Variants in HDX observed in about 807,000 individuals in gnomAD.
The protein encoded by HDX is chromosome X open reading frame 43.
In HDX, 19 loss-of-function variants were observed where a neutral mutation model predicts 45.2. That is an observed-to-expected ratio of 0.42 (90% CI 0.29 to 0.62). HDX has a LOEUF of 0.62. HDX is among the 20% of genes least tolerant of loss of function. The pLI, the probability that HDX is intolerant of heterozygous loss-of-function variation, is 0.20. For synonymous variants in HDX, 188 were observed against 172.8 expected, an observed-to-expected ratio of 1.09 and a Z score of -0.69; for missense variants, 532 against 493.9, an observed-to-expected ratio of 1.08 and a Z score of -0.73.
At chrX:84,493,109 C>T (rs1056959221) in intron 1 of HDX, among the ~76,000 whole-genome samples, 3 of 110,877 alleles carry the variant, frequency 2.7e-5, no homozygotes, top group Non-Finnish European at 5.7e-5. Flanking sequence ...TGGGGATTCA[C>T]CTCTCTATTT....
intron 6 of HDX, among the ~76,000 whole-genome samples, chrX:84,358,250 A>G (rs771014573): frequency 2.7e-5 from 3 of 112,093 alleles, no homozygotes; most frequent in South Asian, 7.5e-4. Flanking sequence ...AAGTGGTTCA[A>G]CTCGGGCTAT....
At chrX:84,375,481 G>A (rs2038027874) in intron 5 of HDX, among the ~76,000 whole-genome samples, 1 of 111,772 alleles carries the variant, frequency 8.9e-6, no homozygotes, top group Non-Finnish European at 1.9e-5. Flanking sequence ...AATAGCAAAG[G>A]CTTGGAACCA....
chrX:84,442,270 A>T (rs912948522), intron 4 of HDX, among the ~76,000 whole-genome samples: 12 of 111,325 alleles, frequency 1.1e-4, no homozygotes, highest in African/African-American at 3.9e-4. Flanking sequence ...AATGACCTAA[A>T]TAGTATTATG....
At chrX:84,492,792 A>C (rs922204016) in intron 1 of HDX, among the ~76,000 whole-genome samples, 2 of 112,121 alleles carry the variant, frequency 1.8e-5, no homozygotes, top group African/African-American at 6.5e-5. Context: ...ATGCAATAAG[A>C]GTTTAATCTT....
chrX:84,444,960 A>G (rs1177534038), intron 4 of HDX, among the ~76,000 whole-genome samples: 7 of 111,719 alleles, frequency 6.3e-5, no homozygotes, highest in Non-Finnish European at 1.1e-4. Flanking sequence ...CACAATTTAG[A>G]CCCCACATAT....
chrX:84,483,962 T>C (rs1233977338), intron 2 of HDX, among the ~76,000 whole-genome samples: 1 of 111,647 alleles, frequency 9.0e-6, no homozygotes, highest in East Asian at 2.8e-4. Context: ...CTCATCTTCA[T>C]CTGAGAACAC....
chrX:84,462,673 T>C (rs1204492512), intron 4 of HDX, among the ~76,000 whole-genome samples: 1 of 110,864 alleles, frequency 9.0e-6, no homozygotes, highest in Non-Finnish European at 1.9e-5. Flanking sequence ...GATACTGTTC[T>C]ATTAATAAAA....
intron 2 of HDX, among the ~76,000 whole-genome samples, chrX:84,476,044 CAAAAT>C (rs1261432942): frequency 6.3e-5 from 7 of 111,486 alleles, no homozygotes; most frequent in Admixed American, 4.8e-4. Context: ...ACATTTTACT[CAAAAT>C]AAACCATGTT....
chrX:84,457,448 A>G (rs1306425235), intron 4 of HDX, among the ~76,000 whole-genome samples: 1 of 112,073 alleles, frequency 8.9e-6, no homozygotes, highest in Non-Finnish European at 1.9e-5. Flanking sequence ...AAACATTGAA[A>G]ACATAGTTGT....
chrX:84,465,784 C>T (rs1006726049), intron 4 of HDX, among the ~76,000 whole-genome samples: 18 of 111,199 alleles, frequency 1.6e-4, no homozygotes, highest in African/African-American at 4.3e-4. Flanking sequence ...CAAACCTGCA[C>T]GTTCTGCACA....
rs771000223 is a variant in HDX, at chrX:84,495,134, T to TA, written c.-109-7003dup. Among the ~76,000 whole-genome samples the TA allele has an allele frequency of 4.4e-3, 439 of 99,955 alleles. 1 individual carries two copies. The highest frequency in any genetic ancestry group is 0.014 in the African/African-American group (387 of 27,688). The allele number at this position is 99,955 out of a possible 115,157, so 86.8% of individuals were successfully genotyped here. ...TGCGCGATCTCACATATGTGGAATC[T>TA]AAAAAAAAAAAAAGTCAAATTCATA... On this transcript the variant is annotated intron_variant, in intron 1 of 10. Coordinates refer to ENST00000373177, the MANE Select transcript of HDX (RefSeq NM_001177479.2).
At chrX:84,476,563 A>AAT (rs59260416) in intron 2 of HDX, among the ~76,000 whole-genome samples, 1 of 104,635 alleles carries the variant, frequency 9.6e-6, no homozygotes, top group African/African-American at 3.5e-5. Flanking sequence ...AAAAAAAAAA[A>AAT]GAGGAAAGAA....
rs554783816 is a variant in HDX, at chrX:84,459,441, C to CA, written c.1251+9030dup. ...TGGGCGACAGAGCGAGACTCGATCT[C>CA]AAAAAAAAAAAAGAAAAAAAGAAAA... On this transcript the variant is annotated intron_variant, in intron 4 of 10. Coordinates refer to ENST00000373177, the MANE Select transcript of HDX (RefSeq NM_001177479.2). Among the ~76,000 whole-genome samples, 686 of 73,833 alleles carry CA rather than the reference C, an allele frequency of 9.3e-3. 7 individuals carry two copies. Among genetic ancestry groups the CA allele is most frequent in the African/African-American group, 0.022 (438 of 19,861 alleles). The allele number at this position is 73,833 out of a possible 115,157, so 64.1% of individuals were successfully genotyped here. A position where few individuals can be genotyped will look rare whatever the true frequency, so the allele number is the denominator to read the frequency against.
chrX:84,414,064 G>T (rs1602410573), intron 5 of HDX, among the ~76,000 whole-genome samples: 1 of 111,602 alleles, frequency 9.0e-6, no homozygotes, highest in African/African-American at 3.3e-5. Flanking sequence ...TTGGAAAAAA[G>T]ATCACTTAAA....
At chrX:84,438,043 C>A (rs781294207) in intron 5 of HDX, among the ~76,000 whole-genome samples, 2 of 111,031 alleles carry the variant, frequency 1.8e-5, no homozygotes, top group South Asian at 7.7e-4. Flanking sequence ...CCTGCTCCAA[C>A]TGGTGGCAGA....
intron 6 of HDX, among the ~76,000 whole-genome samples, chrX:84,352,552 A>C (rs2037385339): frequency 9.0e-6 from 1 of 111,608 alleles, no homozygotes; most frequent in Admixed American, 9.6e-5. Flanking sequence ...ATTTTGGTAC[A>C]GGCATGCAAA....
rs200777059 is a variant in HDX, at chrX:84,405,662, A to ATGTGTGTGTG, written c.1305+34869_1305+34870insCACACACACA. Among the ~76,000 whole-genome samples, 37 of 89,210 alleles carry ATGTGTGTGTG rather than the reference A, an allele frequency of 4.1e-4. No individual in the cohort carries two copies. The East Asian group carries it at 4.4e-3, about 11-fold the overall frequency. 77.5% of individuals were successfully genotyped at this position (89,210 alleles called of 115,157 possible). On this transcript the variant is annotated intron_variant, in intron 5 of 10. Transcript: ENST00000373177. ...CCTCACAAGCTATATATATATATATATATGTGTGTGTGTGTGTGTGTGTGT... is the reference window on the plus strand; with the variant it reads ...CCTCACAAGCTATATATATATATATATGTGTGTGTGTATGTGTGTGTGTGTGTGTGTGTGT...
intron 10 of HDX, among the ~76,000 whole-genome samples, chrX:84,322,408 C>T (rs1237666983): frequency 9.0e-6 from 1 of 111,420 alleles, no homozygotes; most frequent in Admixed American, 9.5e-5. Flanking sequence ...TTATGCTGTC[C>T]TTTGTAGAAG....
At chrX:84,421,453 T>A in intron 5 of HDX, among the ~76,000 whole-genome samples, 1 of 111,074 alleles carries the variant, frequency 9.0e-6, no homozygotes, top group Non-Finnish European at 1.9e-5. Flanking sequence ...TAAATTGTAT[T>A]ACCAGGCAAA....
Sources: gnomAD v4.1 joint callset for allele counts (sites outside exome capture counted in the v4.1 genomes callset) on GRCh38, gnomAD v4.1.1 for gene constraint, MANE v1.5 for transcripts, NCBI Gene and HGNC (gene_info 2026-07-23, HGNC 2026-07-21) for gene names.